RAB38: variants seen among roughly 807,000 people sequenced by gnomAD.
RAB38 encodes RAB38, member RAS oncogene family.
In RAB38, 15 loss-of-function variants were observed where a neutral mutation model predicts 18.4. That is an observed-to-expected ratio of 0.82 (90% CI 0.55 to 1.26). The LOEUF is 1.26. Among genes scored for constraint, RAB38 ranks in the 50% most tolerant of loss-of-function variants. The pLI is 0.00. For missense variants in RAB38, 294 were observed against 267.4 expected (o/e 1.10, Z -0.69); for synonymous variants, 101 against 104.4 (o/e 0.97, Z 0.20).
the RAB38 span, among the ~76,000 whole-genome samples, chr11:87,954,720 A>C: frequency 6.6e-5 from 10 of 152,100 alleles, no homozygotes; most frequent in Non-Finnish European, 1.0e-4. Flanking sequence ...GCAGGCTTCA[A>C]CCACAGTGGC....
the RAB38 span, among the ~76,000 whole-genome samples, chr11:87,907,896 G>T: frequency 6.6e-6 from 1 of 151,318 alleles, no homozygotes; most frequent in Non-Finnish European, 1.5e-5. Context: ...TTATTTTTTG[G>T]TAGCAATTCT....
the RAB38 span, among the ~76,000 whole-genome samples, chr11:87,945,216 C>T: frequency 6.6e-6 from 1 of 152,034 alleles, no homozygotes; most frequent in East Asian, 1.9e-4. Context: ...CTGATTATGA[C>T]CTGAATTTTC....
rs563862087 is a variant in RAB38, at chr11:88,126,267, A to G, written c.484-12127T>C. ...ACACATGCACACGTATGTTTATTGC[A>G]GCATTGTTCACAATAGCAAAGACTT... On this transcript the variant is annotated intron_variant, in intron 2 of 2. Transcript: ENST00000243662. Among the ~76,000 whole-genome samples the G allele has an allele frequency of 1.4e-3, 208 of 152,346 alleles. 4 individuals are homozygous for G. Among genetic ancestry groups the G allele is most frequent in the African/African-American group, 4.6e-3 (190 of 41,570 alleles).
the RAB38 span, among the ~76,000 whole-genome samples, chr11:87,938,239 G>T: frequency 2.6e-5 from 4 of 152,068 alleles, no homozygotes; most frequent in Admixed American, 6.6e-5. Context: ...ACACTATGGT[G>T]GGGGTGGACT....
intron 2 of RAB38, among the ~76,000 whole-genome samples, chr11:88,135,282 T>C (rs1196203219): frequency 6.6e-6 from 1 of 152,188 alleles, no homozygotes; most frequent in Non-Finnish European, 1.5e-5. Context: ...ATTACGTTTA[T>C]TTACCATTTT....
At chr11:88,056,835 AC>A in the RAB38 span, among the ~76,000 whole-genome samples, 335 of 42,932 alleles carry the variant, frequency 7.8e-3, 4 homozygotes, top group African/African-American at 0.014. Context: ...ATAAATAAAT[AC>A]ATACATACAT....
the RAB38 span, among the ~76,000 whole-genome samples, chr11:87,865,852 G>T: frequency 6.6e-6 from 1 of 151,686 alleles, no homozygotes; most frequent in African/African-American, 2.4e-5. Flanking sequence ...AATATTGCAT[G>T]TGTCAGGTTA....
At chr11:88,104,231 G>A in the RAB38 span, among the ~76,000 whole-genome samples, 4 of 152,022 alleles carry the variant, frequency 2.6e-5, no homozygotes, top group Admixed American at 6.6e-5. Context: ...GGATTCTTTA[G>A]CGTTCTCTTT....
At chr11:87,927,792 C>G in the RAB38 span, among the ~76,000 whole-genome samples, 1 of 151,932 alleles carries the variant, frequency 6.6e-6, no homozygotes, top group East Asian at 1.9e-4. Flanking sequence ...ATTGGCGGAG[C>G]AAGATGGCTC....
the RAB38 span, among the ~76,000 whole-genome samples, chr11:88,088,798 C>A: frequency 1.1e-4 from 17 of 151,614 alleles, no homozygotes; most frequent in African/African-American, 4.1e-4. Context: ...AATGTAAAAG[C>A]CAAAAATAAG....
At chr11:87,967,386 G>A in the RAB38 span, among the ~76,000 whole-genome samples, 1 of 152,144 alleles carries the variant, frequency 6.6e-6, no homozygotes, top group African/African-American at 2.4e-5. Context: ...AGAGCCTTCT[G>A]GGGTCAATAG....
the RAB38 span, among the ~76,000 whole-genome samples, chr11:87,975,879 G>A: frequency 2.0e-5 from 3 of 151,512 alleles, no homozygotes; most frequent in African/African-American, 7.3e-5. Flanking sequence ...AATTAGCAAT[G>A]TCATGAATAA....
the RAB38 span, among the ~76,000 whole-genome samples, chr11:87,806,521 G>A: frequency 5.9e-5 from 9 of 152,096 alleles, no homozygotes; most frequent in Non-Finnish European, 1.2e-4. Flanking sequence ...TTCAACATAT[G>A]AATTTTGGGG....
the RAB38 span, among the ~76,000 whole-genome samples, chr11:88,094,695 A>T: frequency 3.3e-5 from 5 of 152,032 alleles, no homozygotes; most frequent in African/African-American, 7.2e-5. Flanking sequence ...CACCTACTTT[A>T]ACCTGAGCCT....
the RAB38 span, among the ~76,000 whole-genome samples, chr11:87,956,677 C>G: frequency 6.6e-6 from 1 of 152,188 alleles, no homozygotes. Context: ...GCTACAGGAG[C>G]TAGAAGGTCA....
chr11:88,009,275 T>A, the RAB38 span, among the ~76,000 whole-genome samples: 1 of 152,136 alleles, frequency 6.6e-6, no homozygotes, highest in African/African-American at 2.4e-5. Context: ...AGCATAAGCA[T>A]ATAATAGAGG....
chr11:88,088,437 G>C, the RAB38 span, among the ~76,000 whole-genome samples: 3 of 151,852 alleles, frequency 2.0e-5, no homozygotes, highest in Non-Finnish European at 4.4e-5. Context: ...AACAATACCT[G>C]ATAAGGGCCA....
the RAB38 span, among the ~76,000 whole-genome samples, chr11:87,902,110 A>G: frequency 1.3e-5 from 2 of 151,516 alleles, no homozygotes; most frequent in Non-Finnish European, 3.0e-5. Flanking sequence ...TAATAAGTCC[A>G]TCTTACAGAG....
the RAB38 span, among the ~76,000 whole-genome samples, chr11:88,028,746 C>T: frequency 4.4e-3 from 666 of 152,244 alleles, 3 homozygotes; most frequent in African/African-American, 0.015. Context: ...ACCAAATCTA[C>T]GTCTGATTGG....
Sources: gnomAD v4.1 joint callset for allele counts (sites outside exome capture counted in the v4.1 genomes callset) on GRCh38, gnomAD v4.1.1 for gene constraint, MANE v1.5 for transcripts, NCBI Gene and HGNC (gene_info 2026-07-23, HGNC 2026-07-21) for gene names.